The following TRNAU1AP variants were observed in gnomAD, a reference collection of about 807,000 sequenced individuals.
TRNAU1AP encodes the protein tRNA selenocysteine 1 associated protein 1.
TRNAU1AP carries 33 observed loss-of-function variants against 43.3 expected under a neutral mutation model. The observed-to-expected ratio is 0.76, with a 90% CI of 0.58 to 1.02. TRNAU1AP has a LOEUF of 1.02. Among genes scored for constraint, TRNAU1AP ranks in the 50% least tolerant of loss-of-function variants. The pLI, the probability that TRNAU1AP is intolerant of heterozygous loss-of-function variation, is 0.00. For synonymous variants in TRNAU1AP, 143 were observed against 129.1 expected, an observed-to-expected ratio of 1.11 and a Z score of -0.73; for missense variants, 290 against 362.7, an observed-to-expected ratio of 0.80 and a Z score of 1.63.
rs993085969 is a variant in TRNAU1AP at position 28,577,674 on chromosome 1, G to A, written c.*38G>A. The A allele has an allele frequency of 1.2e-5, 19 of 1,559,268 alleles. No individual in the cohort carries two copies. Among genetic ancestry groups the A allele is most frequent in the Non-Finnish European group, 1.6e-5 (18 of 1,153,464 alleles). On this transcript the variant is annotated 3_prime_UTR_variant, in exon 9 of 9. Transcript: ENST00000373830. ...ACAAGCCAGGTTGCATGATGTGAGG[G>A]AGATGAGAGACTCCTTTTTAAAAAT...
At chr1:28,554,627 G>A (rs1198385754) in intron 2 of TRNAU1AP, among the ~76,000 whole-genome samples, 1 of 151,958 alleles carries the variant, frequency 6.6e-6, no homozygotes, top group Non-Finnish European at 1.5e-5. Flanking sequence ...CGGATCACGA[G>A]GTCAGGAGAT....
chr1:28,570,044 C>T (rs930998610), intron 6 of TRNAU1AP, among the ~76,000 whole-genome samples: 3 of 151,988 alleles, frequency 2.0e-5, no homozygotes, highest in Non-Finnish European at 2.9e-5. Flanking sequence ...GGTGCTGTGG[C>T]TCACGCCTGT....
intron 6 of TRNAU1AP, among the ~76,000 whole-genome samples, chr1:28,568,941 A>G (rs1373461587): frequency 2.6e-5 from 4 of 151,774 alleles, no homozygotes; most frequent in Admixed American, 2.0e-4. Flanking sequence ...CCTCCCGAGT[A>G]GCTGGGACTA....
rs1570263976 is a variant in TRNAU1AP, at chr1:28,578,123, T to A, written c.*487T>A. Reference sequence around the variant, plus strand: ...CCCCAGAAGGTAGAATGTGGTGGGGTGTGATGGAACAGGCCAGTTGGCCTA... The same window carrying A: ...CCCCAGAAGGTAGAATGTGGTGGGGAGTGATGGAACAGGCCAGTTGGCCTA... On this transcript the variant is annotated 3_prime_UTR_variant, in exon 9 of 9. Transcript: ENST00000373830. The A allele has an allele frequency of 6.3e-6, 1 of 158,972 alleles. No individual in the cohort carries two copies. Among genetic ancestry groups the A allele is most frequent in the Non-Finnish European group, 1.4e-5 (1 of 72,256 alleles). 9.8% of individuals were successfully genotyped at this position (158,972 alleles called of 1,614,324 possible).
chr1:28,567,221 ACTTCTTTTTCATGTGTC>A, intron 5 of TRNAU1AP, 56 bp from the exon 6 acceptor site: 1 of 1,528,132 alleles, frequency 6.5e-7, no homozygotes, highest in South Asian at 1.2e-5. Context: ...TCTTATCCTT[ACTTCTTTTTCATGTGTC>A]CATTCTTAGA....
intron 4 of TRNAU1AP, among the ~76,000 whole-genome samples, chr1:28,563,212 C>T (rs1382721284): frequency 1.3e-5 from 2 of 149,632 alleles, no homozygotes; most frequent in Admixed American, 6.7e-5. Flanking sequence ...TCTTATTATA[C>T]AAGGAATATG....
chr1:28,577,496 C>CCAGA lies in TRNAU1AP; in HGVS notation c.728-2_729dup. On this transcript the variant is annotated splice_polypyrimidine_tract_variant and splice_region_variant and intron_variant, in intron 8 of 8. Coordinates refer to ENST00000373830, the MANE Select transcript of TRNAU1AP (RefSeq NM_017846.5). ...CCCTGACCCCATCCTTGCTTGCTTT[C>CCAGA]CAGACCCCATGCCACAGCTGGATGT... 1 of 1,613,662 alleles carries CCAGA rather than the reference C, an allele frequency of 6.2e-7. No homozygotes were observed. Among genetic ancestry groups the CCAGA allele is most frequent in the Non-Finnish European group, 8.5e-7 (1 of 1,179,824 alleles).
chr1:28,569,958 G>A (rs1665627454), intron 6 of TRNAU1AP, among the ~76,000 whole-genome samples: 2 of 151,652 alleles, frequency 1.3e-5, no homozygotes, highest in African/African-American at 2.4e-5. Context: ...CCGAGATCGC[G>A]CCACTGCACT....
At chr1:28,561,882 C>G (rs553053703) in intron 4 of TRNAU1AP, among the ~76,000 whole-genome samples, 4 of 152,126 alleles carry the variant, frequency 2.6e-5, no homozygotes, top group African/African-American at 7.2e-5. Flanking sequence ...ACCATCCTGG[C>G]TAACACGGTG....
At chr1:28,573,036 CTTTTT>C (rs534588648) in intron 8 of TRNAU1AP, among the ~76,000 whole-genome samples, 2 of 133,762 alleles carry the variant, frequency 1.5e-5, no homozygotes, top group African/African-American at 5.6e-5. Flanking sequence ...TTTTCTTTTT[CTTTTT>C]TTTTTTTTTT....
chr1:28,553,914 C>T, intron 2 of TRNAU1AP, 177 bp downstream of exon 2: 2 of 609,658 alleles, frequency 3.3e-6, no homozygotes, highest in Admixed American at 2.8e-5. Flanking sequence ...AAGGGTAGGA[C>T]TTGCCAGGCG....
At position 28,554,219 on chromosome 1, in the gene TRNAU1AP, AAC is replaced by A. The variant is rs1431475869; in HGVS notation, c.125+484_125+485del. 3.3e-3 allele frequency among the ~76,000 whole-genome samples: 474 copies of A among 145,396 alleles called. 9 individuals are homozygous for A. The highest frequency in any genetic ancestry group is 0.013 in the African/African-American group (450 of 35,538). ...GTCTCAAAAAAAAAAAAAACAAAAA[AAC>A]AAAAAACGCAGGACTCAAGCGAGAC... On this transcript the variant is annotated intron_variant, in intron 2 of 8. Coordinates refer to ENST00000373830, the MANE Select transcript of TRNAU1AP (RefSeq NM_017846.5).
At position 28,568,465 on chromosome 1, in the gene TRNAU1AP, G is replaced by A. The variant is rs1244259647; in HGVS notation, c.530+1052G>A. Among the ~76,000 whole-genome samples the A allele has an allele frequency of 1.3e-5, 2 of 152,280 alleles. 1 individual carries two copies. Among genetic ancestry groups the A allele is most frequent in the South Asian group, 4.1e-4 (2 of 4,822 alleles). ...AAATTTTGTGTTTTTTGTAGAGATA[G>A]GGTCTTGCTTTGTTGCCCAGGCTGG... On this transcript the variant is annotated intron_variant, in intron 6 of 8. Transcript: ENST00000373830.
At position 28,577,750 on chromosome 1, in the gene TRNAU1AP, T is replaced by G. The variant is rs1665831338; in HGVS notation, c.*114T>G. 1.7e-6 allele frequency: 2 copies of G among 1,204,938 alleles called. No individual in the cohort carries two copies. The highest frequency in any genetic ancestry group is 2.3e-6 in the Non-Finnish European group (2 of 856,460). The allele number at this position is 1,204,938 out of a possible 1,614,324, so 74.6% of individuals were successfully genotyped here. A position where few individuals can be genotyped will look rare whatever the true frequency, so the allele number is the denominator to read the frequency against. On this transcript the variant is annotated 3_prime_UTR_variant, in exon 9 of 9. Coordinates refer to ENST00000373830, the MANE Select transcript of TRNAU1AP (RefSeq NM_017846.5). ...TTGTAAGATTTTAATAATGACTGTT[T>G]TTGGAGATCATGAATGTTTCTACAA... is the stretch of plus-strand genomic sequence containing the variant.
intron 5 of TRNAU1AP, chr1:28,565,120 A>G (rs1190516391): frequency 7.9e-6 from 3 of 379,952 alleles, no homozygotes; most frequent in African/African-American, 6.4e-5. Context: ...AGTAAGTCAC[A>G]TTTGAAATGC....
chr1:28,562,097 A>G (rs1205573308), intron 4 of TRNAU1AP, among the ~76,000 whole-genome samples: 1 of 152,222 alleles, frequency 6.6e-6, no homozygotes, highest in East Asian at 1.9e-4. Flanking sequence ...AAGAAACCCA[A>G]TGAATTGACC....
Position 28,553,138 on chromosome 1 carries a change from G to T in TRNAU1AP, c.27+1G>T. On this transcript the variant is annotated splice_donor_variant, in intron 1 of 8. Transcript: ENST00000373830. LOFTEE classifies it high-confidence loss of function. ...GGCGGCCAGCCTGTGGATGGGCGAC[G>T]TGAGTGAGGGCAGCCGTCCGGGGTC... is the stretch of plus-strand genomic sequence containing the variant. The T allele has an allele frequency of 6.6e-7, 1 of 1,519,178 alleles. No individual in the cohort carries two copies. Among genetic ancestry groups the T allele is most frequent in the Non-Finnish European group, 8.8e-7 (1 of 1,130,266 alleles). 94.1% of individuals were successfully genotyped at this position (1,519,178 alleles called of 1,614,324 possible).
intron 4 of TRNAU1AP, among the ~76,000 whole-genome samples, chr1:28,562,286 A>G (rs1665428791): frequency 6.6e-6 from 1 of 152,236 alleles, no homozygotes; most frequent in Non-Finnish European, 1.5e-5. Context: ...ATTGTGTATA[A>G]TAGCTAAAGT....
At chr1:28,572,922 G>A (rs959113004) in intron 8 of TRNAU1AP, among the ~76,000 whole-genome samples, 1 of 150,334 alleles carries the variant, frequency 6.7e-6, no homozygotes, top group Non-Finnish European at 1.5e-5. Context: ...GAGACAGAGC[G>A]AGACTCCGTC....
Sources: gnomAD v4.1 joint callset for allele counts (sites outside exome capture counted in the v4.1 genomes callset) on GRCh38, gnomAD v4.1.1 for gene constraint, MANE v1.5 for transcripts, NCBI Gene and HGNC (gene_info 2026-07-23, HGNC 2026-07-21) for gene names.